IPMK: variants seen among roughly 807,000 people sequenced by gnomAD.
IPMK encodes the protein inositol polyphosphate multikinase, also known as inositol 1,3,4,6-tetrakisphosphate 5-kinase.
A neutral mutation model predicts 45.8 loss-of-function variants in IPMK; 17 were observed. The ratio of observed to expected loss-of-function variants is 0.37; its 90% CI spans 0.25 to 0.56. The LOEUF (loss-of-function observed/expected upper bound fraction) is 0.56. IPMK is among the 20% of genes least tolerant of loss of function. The pLI is 0.79. For synonymous variants in IPMK, 180 were observed against 184.3 expected (o/e 0.98, Z 0.19); for missense variants, 399 against 498.0 (o/e 0.80, Z 1.89).
intron 3 of IPMK, among the ~76,000 whole-genome samples, chr10:58,225,755 T>G (rs1207831806): frequency 1.3e-5 from 2 of 152,144 alleles, no homozygotes; most frequent in East Asian, 3.9e-4. Flanking sequence ...CAAAGTTCAT[T>G]GGAATCTAGA....
intron 1 of IPMK, among the ~76,000 whole-genome samples, chr10:58,240,485 A>G (rs1033375730): frequency 7.2e-5 from 11 of 152,056 alleles, no homozygotes; most frequent in African/African-American, 2.7e-4. Flanking sequence ...CAGAGAAAAA[A>G]TTCTGGGCTT....
chr10:58,213,698 A>G lies in IPMK; in HGVS notation c.546+2447T>C, dbSNP rs1588955519. On this transcript the variant is annotated intron_variant, in intron 4 of 5. Coordinates refer to ENST00000373935, the MANE Select transcript of IPMK (RefSeq NM_152230.5). ...GAGACTCCGTCTCAAAAAAAAAAAG[A>G]AAAAAAAAAAGAAAAAATAGAAATG... is the stretch of plus-strand genomic sequence containing the variant. Among the ~76,000 whole-genome samples the G allele has an allele frequency of 7.6e-5, 10 of 131,832 alleles. No individual in the cohort carries two copies. The South Asian group carries it at 1.9e-3, about 25-fold the overall frequency. The allele number at this position is 131,832 out of a possible 152,430, so 86.5% of individuals were successfully genotyped here. A position where few individuals can be genotyped will look rare whatever the true frequency, so the allele number is the denominator to read the frequency against.
Position 58,267,429 on chromosome 10 carries a change from G to A in IPMK, c.183C>T (p.Asp61=), listed in dbSNP as rs1839165923. Residue 61 remains aspartate, a synonymous_variant, in exon 1 of 6, where the codon GAC becomes GAT. Transcript: ENST00000373935. ...TATGCCACCCCCACTTACCCACTTT[G>A]TCCTTCCCGTACATGTGCCCGGCCA... ...HQVAGHMYGK[D]KVGILQHPDG... The A allele has an allele frequency of 6.2e-7, 1 of 1,613,834 alleles. No homozygotes were observed. The highest frequency in any genetic ancestry group is 8.5e-7 in the Non-Finnish European group (1 of 1,179,830).
intron 5 of IPMK, among the ~76,000 whole-genome samples, chr10:58,198,332 G>A (rs964802361): frequency 5.9e-5 from 9 of 152,046 alleles, no homozygotes; most frequent in Non-Finnish European, 1.3e-4. Flanking sequence ...TAAAAACTAT[G>A]CCTATTTTAT....
At chr10:58,239,081 T>TA (rs1838659795) in intron 1 of IPMK, among the ~76,000 whole-genome samples, 1 of 152,124 alleles carries the variant, frequency 6.6e-6, no homozygotes, top group Non-Finnish European at 1.5e-5. Context: ...CCCAGGAGTT[T>TA]GAGGCTGCAA....
intron 1 of IPMK, among the ~76,000 whole-genome samples, chr10:58,255,342 C>T (rs1838949202): frequency 6.6e-6 from 1 of 152,218 alleles, no homozygotes; most frequent in Non-Finnish European, 1.5e-5. Context: ...AAAGATCAAA[C>T]ATCCACCTCC....
rs1837881587 is a variant in IPMK at position 58,195,723 on chromosome 10, A to G, written c.*353T>C. The G allele has an allele frequency of 5.2e-6, 1 of 190,684 alleles. No individual in the cohort carries two copies. Among genetic ancestry groups the G allele is most frequent in the South Asian group, 1.2e-4 (1 of 8,054 alleles). The allele number at this position is 190,684 out of a possible 1,614,324, so 11.8% of individuals were successfully genotyped here. Reference sequence around the variant, plus strand: ...AATATTTTAGATATGGCTCATTGTCAAGGCTGGGTGGACAGAGATTTCATG... The same window carrying G: ...AATATTTTAGATATGGCTCATTGTCGAGGCTGGGTGGACAGAGATTTCATG... On this transcript the variant is annotated 3_prime_UTR_variant, in exon 6 of 6. Coordinates refer to ENST00000373935, the MANE Select transcript of IPMK (RefSeq NM_152230.5).
intron 1 of IPMK, among the ~76,000 whole-genome samples, chr10:58,265,370 G>C (rs1218416690): frequency 6.6e-6 from 1 of 152,094 alleles, no homozygotes; most frequent in Admixed American, 6.6e-5. Flanking sequence ...CTTATCCTGA[G>C]AATTATTTCA....
At chr10:58,232,744 G>A (rs931044713) in intron 2 of IPMK, among the ~76,000 whole-genome samples, 3 of 152,212 alleles carry the variant, frequency 2.0e-5, no homozygotes, top group African/African-American at 2.4e-5. Flanking sequence ...ATCTAAAATC[G>A]ACACCCTAAC....
At position 58,192,197 on chromosome 10, in the gene IPMK, A is replaced by G. The variant is rs1368367554; in HGVS notation, c.*3879T>C. 6.6e-6 allele frequency: 1 copy of G among 152,026 alleles called. No homozygotes were observed. Among genetic ancestry groups the G allele is most frequent in the African/African-American group, 2.4e-5 (1 of 41,442 alleles). 9.4% of individuals were successfully genotyped at this position (152,026 alleles called of 1,614,324 possible). On this transcript the variant is annotated 3_prime_UTR_variant, in exon 6 of 6. Transcript: ENST00000373935. ...TAATAATATAATCAATCTGTAAGTC[A>G]AAAGTAATTTCATATTCATTGCCAA...
At chr10:58,200,571 CAT>C (rs1425254770) in intron 4 of IPMK, among the ~76,000 whole-genome samples, 17 of 152,142 alleles carry the variant, frequency 1.1e-4, no homozygotes, top group African/African-American at 3.9e-4. Flanking sequence ...TAGAATCAAA[CAT>C]ATGTGAGAAT....
chr10:58,197,329 A>G (rs528466834), intron 5 of IPMK, among the ~76,000 whole-genome samples: 2 of 149,900 alleles, frequency 1.3e-5, no homozygotes, highest in Admixed American at 6.7e-5. Context: ...ATAAATAAAT[A>G]CATAAATACA....
chr10:58,244,869 T>G (rs905843397), intron 1 of IPMK, among the ~76,000 whole-genome samples: 4 of 151,904 alleles, frequency 2.6e-5, no homozygotes, highest in Admixed American at 6.6e-5. Flanking sequence ...TCATCACCAC[T>G]CCCTAATCTC....
At chr10:58,244,541 A>G (rs1838764561) in intron 1 of IPMK, among the ~76,000 whole-genome samples, 1 of 152,102 alleles carries the variant, frequency 6.6e-6, no homozygotes, top group African/African-American at 2.4e-5. Flanking sequence ...AGCTCCGAAG[A>G]GACAGCGACC....
chr10:58,261,332 TGAG>T (rs1839063047), intron 1 of IPMK, among the ~76,000 whole-genome samples: 3 of 151,842 alleles, frequency 2.0e-5, no homozygotes, highest in South Asian at 4.2e-4. Context: ...CAAGAGATGC[TGAG>T]GAGTGGATGG....
At chr10:58,266,348 T>C (rs1014727223) in intron 1 of IPMK, among the ~76,000 whole-genome samples, 4 of 152,228 alleles carry the variant, frequency 2.6e-5, no homozygotes, top group Non-Finnish European at 5.9e-5. Context: ...ACTTATCCAT[T>C]TTCTAAAAGC....
At chr10:58,207,988 T>A (rs1360906813) in intron 4 of IPMK, among the ~76,000 whole-genome samples, 1 of 152,128 alleles carries the variant, frequency 6.6e-6, no homozygotes, top group Non-Finnish European at 1.5e-5. Flanking sequence ...GTGCCCAGGC[T>A]GGAGTGCAGT....
chr10:58,238,069 T>A lies in IPMK; in HGVS notation c.191-255A>T, dbSNP rs573375043. 3.3e-5 allele frequency among the ~76,000 whole-genome samples: 5 copies of A among 152,330 alleles called. No homozygotes were observed. In the East Asian group the frequency reaches 7.7e-4, roughly 23 times the overall value. On this transcript the variant is annotated intron_variant, in intron 1 of 5. Transcript: ENST00000373935. ...CCTCTTTTGGCACCCTCGGGCTTTA[T>A]AATACATAAAACATATGTGTCAATT...
chr10:58,255,605 T>A (rs1364443670), intron 1 of IPMK, among the ~76,000 whole-genome samples: 5 of 152,236 alleles, frequency 3.3e-5, no homozygotes, highest in Non-Finnish European at 7.3e-5. Context: ...GATCTTCTAT[T>A]CTGCCATCTT....
Sources: gnomAD v4.1 joint callset for allele counts (sites outside exome capture counted in the v4.1 genomes callset) on GRCh38, gnomAD v4.1.1 for gene constraint, MANE v1.5 for transcripts, NCBI Gene and HGNC (gene_info 2026-07-23, HGNC 2026-07-21) for gene names.